TMEM176B: variants seen among roughly 807,000 people sequenced by gnomAD.
TMEM176B encodes the protein LR8-like protein.
In TMEM176B, 28 loss-of-function variants were observed where a neutral mutation model predicts 30.3. The observed-to-expected ratio is 0.92, with a 90% confidence interval of 0.68 to 1.27. The LOEUF (loss-of-function observed/expected upper bound fraction) is 1.27. Among genes scored for constraint, TMEM176B ranks in the 50% most tolerant of loss-of-function variants. The pLI is 0.00. For missense variants in TMEM176B, 349 were observed against 327.4 expected, an observed-to-expected ratio of 1.07 and a Z score of -0.51; for synonymous variants, 123 against 130.3, an observed-to-expected ratio of 0.94 and a Z score of 0.38.
chr7:150,800,526 C>G (rs1040202908), upstream of TMEM176B: 1 of 152,268 alleles, frequency 6.6e-6, no homozygotes, highest in Non-Finnish European at 1.5e-5. Flanking sequence ...CCCCTGCGCT[C>G]CCACTCGCGC....
intron 2 of TMEM176B, among the ~76,000 whole-genome samples, chr7:150,794,800 C>A (rs190551704): frequency 1.1e-3 from 170 of 152,098 alleles, no homozygotes; most frequent in Non-Finnish European, 1.8e-3. Flanking sequence ...GTTCACACAC[C>A]CAACTCCGAC....
At chr7:150,794,129 C>G in intron 2 of TMEM176B, 58 bp from the exon 3 acceptor site, 1 of 1,426,482 alleles carries the variant, frequency 7.0e-7, no homozygotes, top group Middle Eastern at 1.8e-4. Flanking sequence ...CCCCGGCTGC[C>G]CTGGGACCAG....
Position 150,792,985 on chromosome 7 carries a change from A to G in TMEM176B, c.600+103T>C, listed in dbSNP as rs548496770. 307 of 1,082,366 alleles carry G rather than the reference A, an allele frequency of 2.8e-4. 1 individual carries two copies. The highest frequency in any genetic ancestry group is 1.4e-3 in the Admixed American group (71 of 49,648). 67.0% of individuals were successfully genotyped at this position (1,082,366 alleles called of 1,614,324 possible). A position where few individuals can be genotyped will look rare whatever the true frequency, so the allele number is the denominator to read the frequency against. ...CTCCTGAATGAAAGACCCAGCATGA[A>G]GTCCAAGCTCAAAGAGCCTACATCT... On this transcript the variant is annotated intron_variant, in intron 5 of 6. Transcript: ENST00000326442.
rs116117553 is a variant in TMEM176B, at chr7:150,795,089, G to A, written c.205-1018C>T. Among the ~76,000 whole-genome samples the A allele has an allele frequency of 8.2e-4, 125 of 152,256 alleles. 1 individual carries two copies. Among genetic ancestry groups the A allele is most frequent in the African/African-American group, 2.8e-3 (118 of 41,552 alleles). On this transcript the variant is annotated intron_variant, in intron 2 of 6. Coordinates refer to ENST00000326442, the MANE Select transcript of TMEM176B (RefSeq NM_001101312.2). ...CTCCCATGCCATGGAGGTCTGTGAA[G>A]GACAGGGACTCCTTTGTCTCCTCAC...
At chr7:150,791,871 T>C (rs925308372) in intron 6 of TMEM176B, among the ~76,000 whole-genome samples, 185 bp downstream of exon 6, 1 of 151,766 alleles carries the variant, frequency 6.6e-6, no homozygotes, top group African/African-American at 2.4e-5. Context: ...CGGCGACAGT[T>C]GGCCCAGGAC....
intron 6 of TMEM176B, among the ~76,000 whole-genome samples, 194 bp downstream of exon 6, chr7:150,791,862 G>A (rs185782026): frequency 3.2e-4 from 49 of 152,052 alleles, no homozygotes; most frequent in Admixed American, 2.6e-3. Context: ...GGCACAGGGC[G>A]GCGACAGTTG....
chr7:150,796,982 A>G (rs1798554777), intron 1 of TMEM176B, among the ~76,000 whole-genome samples: 1 of 152,028 alleles, frequency 6.6e-6, no homozygotes, highest in African/African-American at 2.4e-5. Context: ...CAAACAAACA[A>G]ACAAAAAACA....
intron 5 of TMEM176B, among the ~76,000 whole-genome samples, chr7:150,792,816 CTG>C (rs1271209799): frequency 1.3e-5 from 2 of 152,178 alleles, no homozygotes; most frequent in African/African-American, 2.4e-5. Flanking sequence ...TAATGGAAAA[CTG>C]TGATACCAAC....
chr7:150,794,040 C>T lies in TMEM176B; in HGVS notation c.236G>A (p.Cys79Tyr). 6.2e-7 allele frequency: 1 copy of T among 1,613,918 alleles called. No individual in the cohort carries two copies. The highest frequency in any genetic ancestry group is 8.5e-7 in the Non-Finnish European group (1 of 1,179,894). Residue 79 changes from cysteine (C) to tyrosine (Y), a missense_variant, in exon 3 of 7, where the codon TGT becomes TAT. By Grantham distance (194) the Cys-to-Tyr change is radical. Transcript: ENST00000326442. ...VTQILLGVVS[C>Y]VLGVCLSLGP... ...CAAGCTGAGACACACTCCAAGAACA[C>T]AACTCACAACCCCCAGCAATATCTG...
Position 150,793,995 on chromosome 7 carries a change from C to T in TMEM176B, c.281G>A (p.Ser94Asn), listed in dbSNP as rs770220387. 109 of 1,613,690 alleles carry T rather than the reference C, an allele frequency of 6.8e-5. No homozygotes were observed. The East Asian group carries it at 1.4e-3, about 21-fold the overall frequency. Residue 94 changes from serine (S) to asparagine (N), a missense_variant, in exon 3 of 7, where the codon AGT (serine) becomes AAT (asparagine). Transcript: ENST00000326442. ...CGCCCAGAAGGCACAGCCTGAGGCA[C>T]TCAGCACAGTCCAGGGCCCCAAGCT... ...CLSLGPWTVL[S>N]ASGCAFWAGS...
intron 2 of TMEM176B, among the ~76,000 whole-genome samples, chr7:150,794,360 C>A (rs528144403): frequency 1.8e-3 from 271 of 152,058 alleles, no homozygotes; most frequent in African/African-American, 5.9e-3. Flanking sequence ...TTTCCCCCCC[C>A]ATTCTCCTTC....
Position 150,791,359 on chromosome 7 carries a change from G to C in TMEM176B, c.*172C>G, listed in dbSNP as rs1798294345. On this transcript the variant is annotated 3_prime_UTR_variant, in exon 7 of 7. Transcript: ENST00000326442. ...CATTGTGGAAAATGCAACAATATCT[G>C]TTCATGGACTTGAGAACCCCAGAGT... 1.8e-6 allele frequency: 1 copy of C among 563,028 alleles called. No homozygotes were observed. The highest frequency in any genetic ancestry group is 2.8e-5 in the East Asian group (1 of 35,328). 34.9% of individuals were successfully genotyped at this position (563,028 alleles called of 1,614,324 possible).
intron 1 of TMEM176B, among the ~76,000 whole-genome samples, chr7:150,798,610 C>G (rs866077554): frequency 2.0e-5 from 3 of 152,060 alleles, no homozygotes; most frequent in Middle Eastern, 3.4e-3. Context: ...TGGGGTGTTG[C>G]TTTGTTGCCC....
At chr7:150,796,642 T>C in intron 1 of TMEM176B, 68 bp from the exon 2 acceptor site, 1 of 1,463,720 alleles carries the variant, frequency 6.8e-7, no homozygotes, top group Non-Finnish European at 9.5e-7. Flanking sequence ...ACAGCACAGG[T>C]GAAAGGAGAG....
rs1798527833 is a variant in TMEM176B, at chr7:150,796,431, G to C, written c.139C>G (p.Leu47Val). ...GGCACAGTGTCCCCAGGGTGAAAAAGAAACTTCTTCAGAGAACCTCCAGCT... is the reference window on the plus strand; with the variant it reads ...GGCACAGTGTCCCCAGGGTGAAAAACAAACTTCTTCAGAGAACCTCCAGCT... Reference protein sequence around the residue: ...LKAGGSLKKFLFHPGDTVPST... With the variant: ...LKAGGSLKKFVFHPGDTVPST... The change falls in exon 2 of 7, where the codon CTT (leucine) becomes GTT (valine). Residue 47 changes from leucine to valine, a missense_variant. Transcript: ENST00000326442. 6.2e-7 allele frequency: 1 copy of C among 1,614,172 alleles called. No individual in the cohort carries two copies. The highest frequency in any genetic ancestry group is 8.5e-7 in the Non-Finnish European group (1 of 1,180,040).
upstream of TMEM176B, chr7:150,801,031 G>C: frequency 2.0e-6 from 2 of 977,002 alleles, no homozygotes; most frequent in Non-Finnish European, 2.4e-6. Context: ...GGCAGGGGCG[G>C]CGTGAACCCG....
At chr7:150,794,831 T>C (rs1460574424) in intron 2 of TMEM176B, among the ~76,000 whole-genome samples, 2 of 151,790 alleles carry the variant, frequency 1.3e-5, no homozygotes, top group Non-Finnish European at 2.9e-5. Flanking sequence ...ACTCCTCTTC[T>C]TCCTGGAAAA....
chr7:150,801,029 CGGCGTGAACCCGTCG>C, upstream of TMEM176B: 1 of 979,486 alleles, frequency 1.0e-6, no homozygotes, highest in Non-Finnish European at 1.2e-6. Flanking sequence ...GGGGCAGGGG[CGGCGTGAACCCGTCG>C]GGCGTGAGCA....
At chr7:150,791,908 A>G (rs1025419280) in intron 6 of TMEM176B, 148 bp downstream of exon 6, 12 of 1,227,496 alleles carry the variant, frequency 9.8e-6, no homozygotes, top group South Asian at 2.9e-5. Flanking sequence ...TTCCCCAGAC[A>G]GCAAAGGGGA....
Sources: gnomAD v4.1 joint callset for allele counts (sites outside exome capture counted in the v4.1 genomes callset) on GRCh38, gnomAD v4.1.1 for gene constraint, MANE v1.5 for transcripts, NCBI Gene and HGNC (gene_info 2026-07-23, HGNC 2026-07-21) for gene names.